The following CXCR5 variants were observed in gnomAD, a reference collection of about 807,000 sequenced individuals.
CXCR5 encodes the protein C-X-C motif chemokine receptor 5.
Under a neutral mutation model 5.6 loss-of-function variants are expected in CXCR5, and 3 were observed. The ratio of observed to expected loss-of-function variants is 0.54; its 90% CI spans 0.24 to 1.39. The LOEUF is 1.39. Ranked by LOEUF, CXCR5 falls within the 40% of genes most tolerant of loss-of-function variation. The pLI, the probability that CXCR5 is intolerant of heterozygous loss-of-function variation, is 0.16. For synonymous variants in CXCR5, 218 were observed against 219.9 expected (o/e 0.99, Z 0.08); for missense variants, 333 against 494.6 (o/e 0.67, Z 3.10).
chr11:118,887,626 G>A (rs1939734969), intron 1 of CXCR5: 1 of 172,804 alleles, frequency 5.8e-6, no homozygotes. Flanking sequence ...CAGAGTCTCA[G>A]ATGGTCTTTA....
intron 1 of CXCR5, among the ~76,000 whole-genome samples, chr11:118,890,270 G>A (rs1939787880): frequency 6.6e-6 from 1 of 152,122 alleles, no homozygotes; most frequent in African/African-American, 2.4e-5. Flanking sequence ...GCCTTCTCTG[G>A]GAAACTGCTT....
At chr11:118,891,115 T>C (rs1939801627) in intron 1 of CXCR5, among the ~76,000 whole-genome samples, 1 of 152,184 alleles carries the variant, frequency 6.6e-6, no homozygotes, top group African/African-American at 2.4e-5. Context: ...GGGGAGAAAT[T>C]CCATGGAATC....
chr11:118,888,203 C>T (rs957255002), intron 1 of CXCR5, among the ~76,000 whole-genome samples: 6 of 152,168 alleles, frequency 3.9e-5, no homozygotes, highest in East Asian at 1.9e-4. Context: ...TGGGCTCAAA[C>T]GTTCCTCTCC....
At position 118,896,038 on chromosome 11, in the gene CXCR5, C is replaced by A. The variant is rs533298475; in HGVS notation, c.*1375C>A. The A allele has an allele frequency of 1.2e-5, 2 of 167,010 alleles. No homozygotes were observed. The highest frequency in any genetic ancestry group is 4.1e-4 in the South Asian group (2 of 4,828). 10.3% of individuals were successfully genotyped at this position (167,010 alleles called of 1,614,324 possible). ...TGAGAGTGTCTTCACGGCAGGACAA[C>A]GAGGAAGCCCTAAGACGTCCCTTTT... is the stretch of plus-strand genomic sequence containing the variant. On this transcript the variant is annotated 3_prime_UTR_variant, in exon 2 of 2. Coordinates refer to ENST00000292174, the MANE Select transcript of CXCR5 (RefSeq NM_001716.5).
Position 118,894,261 on chromosome 11 carries a change from G to C in CXCR5, c.717G>C (p.Val239=). The part of the protein sequence containing the change: ...LPMLVMGWCY[V]GVVHRLRQAQ... ...TGCTGGTGATGGGCTGGTGCTACGT[G>C]GGGGTAGTGCACAGGTTGCGCCAGG... Residue 239 remains valine (V), a synonymous_variant, in exon 2 of 2, where the codon GTG becomes GTC. Transcript: ENST00000292174. This position sits in a 1 kb window ranked among gnomAD's most constrained non-coding sequence, Gnocchi z 6.1. 6.2e-7 allele frequency: 1 copy of C among 1,614,122 alleles called. No homozygotes were observed. Among genetic ancestry groups the C allele is most frequent in the East Asian group, 2.2e-5 (1 of 44,884 alleles).
rs1278104481 is a variant in CXCR5 at position 118,894,396 on chromosome 11, G to A, written c.852G>A (p.Leu284=). The A allele has an allele frequency of 1.9e-6, 3 of 1,614,122 alleles. No individual in the cohort carries two copies. The African/African-American group carries it at 4.0e-5, about 22-fold the overall frequency. Residue 284 remains leucine (L), a synonymous_variant, in exon 2 of 2, where the codon CTG becomes CTA. Coordinates refer to ENST00000292174, the MANE Select transcript of CXCR5 (RefSeq NM_001716.5). This position sits in a 1 kb window ranked among gnomAD's most constrained non-coding sequence, Gnocchi z 6.1. The part of the protein sequence containing the change: ...PYHIVIFLDT[L]ARLKAVDNTC... ...ACATCGTCATCTTCCTGGACACCCTGGCGAGGCTGAAGGCCGTGGACAATA... is the reference window on the plus strand; with the variant it reads ...ACATCGTCATCTTCCTGGACACCCTAGCGAGGCTGAAGGCCGTGGACAATA...
intron 1 of CXCR5, chr11:118,887,015 G>C (rs1591964354): frequency 6.5e-6 from 1 of 153,926 alleles, no homozygotes; most frequent in African/African-American, 2.4e-5. Flanking sequence ...CCGCAACCAG[G>C]TCAAAAGTCC....
At position 118,883,894 on chromosome 11, in the gene CXCR5, C is replaced by G; in HGVS notation, c.-48C>G. 6.3e-7 allele frequency: 1 copy of G among 1,593,342 alleles called. No individual in the cohort carries two copies. The highest frequency in any genetic ancestry group is 1.7e-4 in the Middle Eastern group (1 of 6,038). On this transcript the variant is annotated 5_prime_UTR_variant, in exon 1 of 2. Transcript: ENST00000292174. ...TCTAGAGGCACCTGGCGGGGAGCCTCTCAACATAAGACAGTGACCAGTCTG... is the reference window on the plus strand; with the variant it reads ...TCTAGAGGCACCTGGCGGGGAGCCTGTCAACATAAGACAGTGACCAGTCTG...
At position 118,897,452 on chromosome 11, in the gene CXCR5, G is replaced by T. The variant is rs528455360; in HGVS notation, c.*2789G>T. 1 of 213,718 alleles carries T rather than the reference G, an allele frequency of 4.7e-6. No homozygotes were observed. Among genetic ancestry groups the T allele is most frequent in the South Asian group, 5.2e-5 (1 of 19,108 alleles). 13.2% of individuals were successfully genotyped at this position (213,718 alleles called of 1,614,324 possible). ...GGAAAGCCAGGGCCCCGTGTCACCG[G>T]TGTGGGCAAACACACATGCACGTGC... On this transcript the variant is annotated 3_prime_UTR_variant, in exon 2 of 2. Coordinates refer to ENST00000292174, the MANE Select transcript of CXCR5 (RefSeq NM_001716.5).
chr11:118,894,498 C>A lies in CXCR5; in HGVS notation c.954C>A (p.Asn318Lys). 6.2e-7 allele frequency: 1 copy of A among 1,606,594 alleles called. No individual in the cohort carries two copies. Among genetic ancestry groups the A allele is most frequent in the Admixed American group, 1.7e-5 (1 of 59,722 alleles). The change falls in exon 2 of 2, where the codon AAC becomes AAA. Residue 318 changes from asparagine to lysine, a missense_variant. Physicochemically the swap from Asn to Lys is moderately conservative, Grantham distance 94. Transcript: ENST00000292174. The surrounding 1 kb of genome is among the most constrained non-coding windows in gnomAD (Gnocchi z 6.1). The part of the protein sequence containing the change: ...EFLGLAHCCL[N>K]PMLYTFAGVK... ...TGGGCCTGGCCCACTGCTGCCTCAA[C>A]CCCATGCTCTACACTTTCGCCGGCG... is the stretch of plus-strand genomic sequence containing the variant.
chr11:118,888,508 G>GACCA (rs1218286462), intron 1 of CXCR5, among the ~76,000 whole-genome samples: 1 of 152,116 alleles, frequency 6.6e-6, no homozygotes, highest in Admixed American at 6.5e-5. Context: ...TCCTTGTCCA[G>GACCA]ACCAACCAAA....
rs1466815749 is a variant in CXCR5 at position 118,894,581 on chromosome 11, C to T, written c.1037C>T (p.Ala346Val). Reference sequence around the variant, plus strand: ...ACGAAGCTGGGCTGTACCGGCCCTGCCTCCCTGTGCCAGCTCTTCCCTAGC... The same window carrying T: ...ACGAAGCTGGGCTGTACCGGCCCTGTCTCCCTGTGCCAGCTCTTCCCTAGC... The part of the protein sequence containing the change: ...LLTKLGCTGP[A>V]SLCQLFPSWR... Residue 346 changes from alanine (A) to valine (V), a missense_variant, in exon 2 of 2, where the codon GCC becomes GTC. By Grantham distance (64) the Ala-to-Val change is moderately conservative. Coordinates refer to ENST00000292174, the MANE Select transcript of CXCR5 (RefSeq NM_001716.5). The surrounding 1 kb of genome is among the most constrained non-coding windows in gnomAD (Gnocchi z 6.1). 1 of 1,532,452 alleles carries T rather than the reference C, an allele frequency of 6.5e-7. No homozygotes were observed. Among genetic ancestry groups the T allele is most frequent in the Non-Finnish European group, 8.8e-7 (1 of 1,139,250 alleles). 94.9% of individuals were successfully genotyped at this position (1,532,452 alleles called of 1,614,324 possible). A position where few individuals can be genotyped will look rare whatever the true frequency, so the allele number is the denominator to read the frequency against.
At chr11:118,886,617 G>A (rs954032649) in intron 1 of CXCR5, 12 of 348,338 alleles carry the variant, frequency 3.4e-5, no homozygotes, top group East Asian at 2.3e-4. Flanking sequence ...TGGAAAGGCC[G>A]ATCCTGGCAG....
chr11:118,896,099 T>C lies in CXCR5; in HGVS notation c.*1436T>C, dbSNP rs959672296. The C allele has an allele frequency of 5.4e-5, 9 of 166,962 alleles. No individual in the cohort carries two copies. Among genetic ancestry groups the C allele is most frequent in the Non-Finnish European group, 1.2e-4 (8 of 68,104 alleles). The allele number at this position is 166,962 out of a possible 1,614,324, so 10.3% of individuals were successfully genotyped here. On this transcript the variant is annotated 3_prime_UTR_variant, in exon 2 of 2. Coordinates refer to ENST00000292174, the MANE Select transcript of CXCR5 (RefSeq NM_001716.5). The stretch of plus-strand genomic sequence containing the variant: ...ATCTCCTCGCAAGCTGGGTAATCGA[T>C]GGGGGAGTCTGAAGCAGATGCAAAG...
intron 1 of CXCR5, among the ~76,000 whole-genome samples, chr11:118,884,760 A>T (rs1199856835): frequency 6.6e-6 from 1 of 152,144 alleles, no homozygotes; most frequent in Non-Finnish European, 1.5e-5. Flanking sequence ...GCCACCACTC[A>T]AGTCTCTCCA....
At chr11:118,888,858 C>A (rs1303489363) in intron 1 of CXCR5, among the ~76,000 whole-genome samples, 1 of 152,170 alleles carries the variant, frequency 6.6e-6, no homozygotes, top group Non-Finnish European at 1.5e-5. Flanking sequence ...AGGATAGATC[C>A]CTGAGGCATG....
intron 1 of CXCR5, among the ~76,000 whole-genome samples, chr11:118,885,508 G>A (rs1445113391): frequency 2.0e-5 from 3 of 152,176 alleles, no homozygotes; most frequent in African/African-American, 7.2e-5. Flanking sequence ...GCCCCAAAGG[G>A]GCAATGTGCT....
At chr11:118,890,486 C>A (rs891760133) in intron 1 of CXCR5, among the ~76,000 whole-genome samples, 1 of 151,644 alleles carries the variant, frequency 6.6e-6, no homozygotes, top group Non-Finnish European at 1.5e-5. Context: ...GGATTGAATT[C>A]GGCTTTGGAG....
Position 118,896,387 on chromosome 11 carries a change from C to G in CXCR5, c.*1724C>G, listed in dbSNP as rs1162924088. ...GTGGCGTGGGTGGGAGGAGAGGGGA[C>G]GGAGAGGGCACTCGGCCCGCTGCAA... On this transcript the variant is annotated 3_prime_UTR_variant, in exon 2 of 2. Coordinates refer to ENST00000292174, the MANE Select transcript of CXCR5 (RefSeq NM_001716.5). 6.6e-6 allele frequency: 1 copy of G among 152,048 alleles called. No individual in the cohort carries two copies. The highest frequency in any genetic ancestry group is 2.1e-4 in the South Asian group (1 of 4,828). The allele number at this position is 152,048 out of a possible 1,614,324, so 9.4% of individuals were successfully genotyped here. A position where few individuals can be genotyped will look rare whatever the true frequency, so the allele number is the denominator to read the frequency against.
Sources: allele counts gnomAD v4.1 joint callset (sites outside exome capture counted in the v4.1 genomes callset), GRCh38; gene constraint gnomAD v4.1.1; non-coding constraint Gnocchi (gnomAD v3.1); transcripts MANE v1.5; gene names NCBI Gene and HGNC (gene_info 2026-07-23, HGNC 2026-07-21).